Variants in RTL9 observed in about 807,000 individuals in gnomAD.
RTL9 encodes the protein retrotransposon Gag-like protein 9.
In RTL9, 19 loss-of-function variants were observed where a neutral mutation model predicts 44.7. That is an observed-to-expected ratio of 0.42 (90% CI 0.30 to 0.62). RTL9 has a LOEUF of 0.62. Among genes scored for constraint, RTL9 ranks in the 20% least tolerant of loss-of-function variants. The probability of loss-of-function intolerance (pLI) is 0.16; values close to 1 mark genes in which losing one functional copy is unlikely to be tolerated. For synonymous variants in RTL9, 407 were observed against 398.9 expected, an observed-to-expected ratio of 1.02 and a Z score of -0.24; for missense variants, 1,105 against 1,080.6, an observed-to-expected ratio of 1.02 and a Z score of -0.32.
At chrX:110,429,750 G>T (rs2068783949) in intron 1 of RTL9, among the ~76,000 whole-genome samples, 2 of 111,915 alleles carry the variant, frequency 1.8e-5, no homozygotes, top group South Asian at 7.5e-4. Flanking sequence ...CCAAAGTGCT[G>T]GGATTACAGG....
At chrX:110,386,664 A>G (rs1474347279) in intron 1 of RTL9, among the ~76,000 whole-genome samples, 1 of 112,094 alleles carries the variant, frequency 8.9e-6, no homozygotes, top group African/African-American at 3.2e-5. Flanking sequence ...TTATTATTAA[A>G]TAGAAATTTG....
chrX:110,359,418 A>AT (rs2068248444), intron 1 of RTL9, among the ~76,000 whole-genome samples: 1 of 110,713 alleles, frequency 9.0e-6, no homozygotes, highest in Non-Finnish European at 1.9e-5. Context: ...TCTGCCAAAT[A>AT]TTTTTTCCAT....
At chrX:110,391,852 T>C (rs1317679099) in intron 1 of RTL9, among the ~76,000 whole-genome samples, 1 of 112,108 alleles carries the variant, frequency 8.9e-6, no homozygotes, top group Non-Finnish European at 1.9e-5. Flanking sequence ...CATCCAGATG[T>C]TTTGGCATCA....
At chrX:110,381,757 A>G (rs1569418786) in intron 1 of RTL9, among the ~76,000 whole-genome samples, 1 of 111,223 alleles carries the variant, frequency 9.0e-6, no homozygotes, top group Non-Finnish European at 1.9e-5. Context: ...GAACAAAATC[A>G]TGTCCTTTAT....
intron 1 of RTL9, among the ~76,000 whole-genome samples, chrX:110,437,651 C>G (rs1242881226): frequency 9.0e-6 from 1 of 111,012 alleles, no homozygotes; most frequent in Non-Finnish European, 1.9e-5. Context: ...AAGTGAATCA[C>G]TGTATCTACC....
chrX:110,368,253 T>C (rs1161736641), intron 1 of RTL9, among the ~76,000 whole-genome samples: 2 of 110,663 alleles, frequency 1.8e-5, no homozygotes, highest in African/African-American at 6.6e-5. Context: ...AATCAGATCA[T>C]GTCATGCTCC....
intron 1 of RTL9, among the ~76,000 whole-genome samples, chrX:110,406,114 G>GT (rs201895781): frequency 3.4e-3 from 357 of 103,627 alleles, no homozygotes; most frequent in African/African-American, 7.6e-3. Context: ...CTGGAAAGTG[G>GT]TTTTTTTTTT....
intron 1 of RTL9, among the ~76,000 whole-genome samples, chrX:110,433,686 G>C (rs1240140048): frequency 9.0e-6 from 1 of 111,651 alleles, no homozygotes; most frequent in Non-Finnish European, 1.9e-5. Flanking sequence ...ATCATGAAAA[G>C]AGCTTAGGAC....
At chrX:110,455,731 G>C (rs1037149014) in exon 2 of RTL9, 4 of 126,525 alleles carry the variant, frequency 3.2e-5, no homozygotes, top group African/African-American at 9.6e-5. Flanking sequence ...AGCCTATAAG[G>C]AGAGCGATGC....
chrX:110,422,018 C>A (rs1430223193), intron 1 of RTL9, among the ~76,000 whole-genome samples: 1 of 113,059 alleles, frequency 8.8e-6, no homozygotes, highest in African/African-American at 3.2e-5. Context: ...TTCTAAGTTC[C>A]CAGTTTTGAT....
upstream of RTL9, among the ~76,000 whole-genome samples, chrX:110,417,469 C>T (rs142288699): frequency 2.7e-5 from 3 of 110,077 alleles, no homozygotes; most frequent in South Asian, 3.7e-4. Flanking sequence ...GGTGTGCAGA[C>T]GCAAATGAGC....
At chrX:110,376,684 G>T (rs1213537286) in intron 1 of RTL9, among the ~76,000 whole-genome samples, 2 of 112,234 alleles carry the variant, frequency 1.8e-5, no homozygotes, top group Non-Finnish European at 3.8e-5. Flanking sequence ...ACAGATGTGG[G>T]TTCAAATCCT....
At chrX:110,454,727 A>G in intron 1 of RTL9, 63 bp downstream of exon 3, 1 of 965,137 alleles carries the variant, frequency 1.0e-6, no homozygotes, top group Non-Finnish European at 1.4e-6. Flanking sequence ...ACGACAGGGA[A>G]TACATCCTGC....
At chrX:110,377,753 C>T (rs796200853) in intron 1 of RTL9, among the ~76,000 whole-genome samples, 23 of 111,391 alleles carry the variant, frequency 2.1e-4, no homozygotes, top group Non-Finnish European at 2.3e-4. Context: ...ACCTCCATCT[C>T]AATCCCAGCA....
chrX:110,453,755 A>C, exon 1 of RTL9: 1 of 1,211,207 alleles, frequency 8.3e-7, no homozygotes, highest in Non-Finnish European at 1.1e-6. Flanking sequence ...CACTACCAAG[A>C]GCCACAGCCT....
At chrX:110,407,059 A>G (rs1378180733) in intron 1 of RTL9, among the ~76,000 whole-genome samples, 1 of 111,591 alleles carries the variant, frequency 9.0e-6, no homozygotes, top group Non-Finnish European at 1.9e-5. Context: ...GGTATTGCGC[A>G]AACGCTGCTT....
chrX:110,398,493 T>C (rs1255669350), intron 1 of RTL9, among the ~76,000 whole-genome samples: 2 of 112,496 alleles, frequency 1.8e-5, no homozygotes, highest in African/African-American at 3.2e-5. Context: ...AGAATCCCTA[T>C]GCATCCTTCA....
rs151173460 is a variant in RTL9 at position 110,452,770 on chromosome X, T to C, written c.2153T>C (p.Met718Thr). 3.8e-4 allele frequency: 463 copies of C among 1,209,381 alleles called. No individual in the cohort carries two copies. The highest frequency in any genetic ancestry group is 4.5e-4 in the Non-Finnish European group (404 of 895,063). Residue 718 changes from methionine (M) to threonine (T), a missense_variant, in exon 1 of 2, where the codon ATG becomes ACG. Met to Thr is a moderately conservative substitution (Grantham distance 81, BLOSUM62 -1). Transcript: ENST00000540313. ...ATGAGAGCCAAAGTGTCTGGAAAGA[T>C]GCTCAGTCAGCCAATGAGCACCCAA...
intron 1 of RTL9, among the ~76,000 whole-genome samples, chrX:110,392,642 G>T (rs1250627584): frequency 6.3e-5 from 7 of 111,171 alleles, no homozygotes; most frequent in East Asian, 2.8e-4. Context: ...AAGGGCTCAC[G>T]CAAGAGTGCC....
Sources: allele counts gnomAD v4.1 joint callset (sites outside exome capture counted in the v4.1 genomes callset), GRCh38; gene constraint gnomAD v4.1.1; transcripts MANE v1.5; gene names NCBI Gene and HGNC (gene_info 2026-07-23, HGNC 2026-07-21).